The following ZNF84 variants were observed in gnomAD, a reference collection of about 807,000 sequenced individuals.
The protein encoded by ZNF84 is zinc finger protein HPF2.
A neutral mutation model predicts 14.8 loss-of-function variants in ZNF84; 12 were observed. The observed-to-expected ratio is 0.81, with a 90% confidence interval of 0.52 to 1.31. The LOEUF is 1.31. Ranked by LOEUF, ZNF84 falls within the 50% of genes most tolerant of loss-of-function variation. ZNF84 has a pLI of 0.00. For missense variants in ZNF84, 859 were observed against 878.6 expected (o/e 0.98, Z 0.28); for synonymous variants, 347 against 291.1 (o/e 1.19, Z -1.96).
chr12:133,038,230 A>G (rs7959141), intron 1 of ZNF84, among the ~76,000 whole-genome samples: 68,562 of 151,912 alleles, frequency 0.45, 16,083 homozygotes, highest in African/African-American at 0.57. Context: ...AAATAATTTA[A>G]TTTTACTGAT....
At position 133,062,618 on chromosome 12, in the gene ZNF84, T is replaced by G. The variant is rs1196252588; in HGVS notation, c.*3686T>G. ...CATGCATGTTTTCTGCACCTTGCTA[T>G]CATTTTTCAGTCCATTTTTCACATG... is the stretch of plus-strand genomic sequence containing the variant. On this transcript the variant is annotated 3_prime_UTR_variant, in exon 5 of 5. Transcript: ENST00000539354. The G allele has an allele frequency of 6.0e-6, 1 of 167,184 alleles. No individual in the cohort carries two copies. The highest frequency in any genetic ancestry group is 1.3e-5 in the Non-Finnish European group (1 of 75,872). 10.4% of individuals were successfully genotyped at this position (167,184 alleles called of 1,614,324 possible). A position where few individuals can be genotyped will look rare whatever the true frequency, so the allele number is the denominator to read the frequency against.
chr12:133,041,539 C>G (rs1953889224), intron 2 of ZNF84, 57 bp downstream of exon 2: 1 of 1,558,784 alleles, frequency 6.4e-7, no homozygotes, highest in Non-Finnish European at 8.8e-7. Flanking sequence ...AATGTATAAG[C>G]CTTCCGGTGA....
Position 133,058,826 on chromosome 12 carries a change from T to G in ZNF84, c.2111T>G (p.Ile704Ser). 1 of 1,613,916 alleles carries G rather than the reference T, an allele frequency of 6.2e-7. No individual in the cohort carries two copies. The highest frequency in any genetic ancestry group is 2.2e-5 in the East Asian group (1 of 44,852). Residue 704 changes from isoleucine (I) to serine (S), a missense_variant, in exon 5 of 5, where the codon ATT becomes AGT. By Grantham distance (142) the Ile-to-Ser change is moderately radical. Coordinates refer to ENST00000539354, the MANE Select transcript of ZNF84 (RefSeq NM_001289971.2). The stretch of plus-strand genomic sequence containing the variant: ...TCACAGCTGGTTAATCATCAGAGAA[T>G]TCATACAGGAGAGAAGCCTTATCGA... ...QKSQLVNHQR[I>S]HTGEKPYRCI... is the part of the protein sequence containing the mutation.
At position 133,063,171 on chromosome 12, in the gene ZNF84, G is replaced by A. The variant is rs925747018; in HGVS notation, c.*4239G>A. 19 of 702,242 alleles carry A rather than the reference G, an allele frequency of 2.7e-5. No homozygotes were observed. Among genetic ancestry groups the A allele is most frequent in the African/African-American group, 1.7e-4 (10 of 57,244 alleles). The allele number at this position is 702,242 out of a possible 1,614,324, so 43.5% of individuals were successfully genotyped here. A position where few individuals can be genotyped will look rare whatever the true frequency, so the allele number is the denominator to read the frequency against. On this transcript the variant is annotated 3_prime_UTR_variant, in exon 5 of 5. Coordinates refer to ENST00000539354, the MANE Select transcript of ZNF84 (RefSeq NM_001289971.2). ...GAAAGCAAAATCAAGAAAGAGTCCC[G>A]ATTGTGTTCCAGTACCTGGTTCTTC...
chr12:133,058,734 T>A lies in ZNF84; in HGVS notation c.2019T>A (p.His673Gln). ...AFSRKSHLIPHQRTHTGEKPY... is the reference protein window; with the variant it reads ...AFSRKSHLIPQQRTHTGEKPY... ...CTCGGAAGTCACACCTTATACCACA[T>A]CAAAGGACACATACGGGTGAGAAAC... Residue 673 changes from histidine (H) to glutamine (Q), a missense_variant, in exon 5 of 5, where the codon CAT (histidine) becomes CAA (glutamine). Transcript: ENST00000539354. 6.2e-7 allele frequency: 1 copy of A among 1,613,866 alleles called. No homozygotes were observed.
rs1954194717 is a variant in ZNF84 at position 133,058,114 on chromosome 12, G to A, written c.1399G>A (p.Ala467Thr). 8 of 1,613,900 alleles carry A rather than the reference G, an allele frequency of 5.0e-6. 1 individual carries two copies. In the South Asian group the frequency reaches 6.6e-5, roughly 13 times the overall value. Reference sequence around the variant, plus strand: ...CTTTATATGCAGTAAATGTGGGAAAGCCTTCAGCAGGAAATCACAGCTCGT... The same window carrying A: ...CTTTATATGCAGTAAATGTGGGAAAACCTTCAGCAGGAAATCACAGCTCGT... ...KPFICSKCGKAFSRKSQLVRH... is the reference protein window; with the variant it reads ...KPFICSKCGKTFSRKSQLVRH... The change falls in exon 5 of 5, where the codon GCC becomes ACC. Residue 467 changes from alanine to threonine, a missense_variant. Coordinates refer to ENST00000539354, the MANE Select transcript of ZNF84 (RefSeq NM_001289971.2).
intron 2 of ZNF84, among the ~76,000 whole-genome samples, chr12:133,042,692 A>G (rs1445880411): frequency 2.6e-5 from 4 of 152,224 alleles, no homozygotes; most frequent in Non-Finnish European, 4.4e-5. Context: ...GGCATTTTTC[A>G]TAGCGTTCTT....
Position 133,059,476 on chromosome 12 carries a change from A to C in ZNF84, c.*544A>C, listed in dbSNP as rs1056306899. 6.5e-6 allele frequency: 1 copy of C among 154,256 alleles called. No individual in the cohort carries two copies. The highest frequency in any genetic ancestry group is 2.4e-5 in the African/African-American group (1 of 41,676). 9.6% of individuals were successfully genotyped at this position (154,256 alleles called of 1,614,324 possible). ...CTTGCCCCTCAGTATAGTACTGTCA[A>C]GGGAAGCCATACACTTTTTGTAGAC... On this transcript the variant is annotated 3_prime_UTR_variant, in exon 5 of 5. Coordinates refer to ENST00000539354, the MANE Select transcript of ZNF84 (RefSeq NM_001289971.2).
At chr12:133,039,332 G>A (rs1953845461) in intron 1 of ZNF84, among the ~76,000 whole-genome samples, 1 of 152,216 alleles carries the variant, frequency 6.6e-6, no homozygotes, top group Non-Finnish European at 1.5e-5. Context: ...GGGAATTAGT[G>A]ACTGAATGTG....
intron 4 of ZNF84, among the ~76,000 whole-genome samples, chr12:133,051,328 A>T (rs917818935): frequency 6.6e-6 from 1 of 152,184 alleles, no homozygotes; most frequent in Non-Finnish European, 1.5e-5. Context: ...TTGAGCACTT[A>T]AAACACTGAG....
intron 2 of ZNF84, among the ~76,000 whole-genome samples, chr12:133,042,917 C>G (rs1953910830): frequency 6.6e-6 from 1 of 152,154 alleles, no homozygotes. Context: ...CTTCATGTGC[C>G]CTCTCCCAGT....
At chr12:133,049,351 T>G (rs1385262873) in intron 4 of ZNF84, among the ~76,000 whole-genome samples, 1 of 152,170 alleles carries the variant, frequency 6.6e-6, no homozygotes, top group African/African-American at 2.4e-5. Context: ...ATCTGTTCAG[T>G]CTCATTATAT....
chr12:133,049,859 C>G (rs2137378807), intron 4 of ZNF84, among the ~76,000 whole-genome samples: 1 of 152,248 alleles, frequency 6.6e-6, no homozygotes, highest in East Asian at 1.9e-4. Flanking sequence ...AAGCCTTCCT[C>G]CCTCAACTTC....
At chr12:133,052,317 G>A (rs905227) in intron 4 of ZNF84, among the ~76,000 whole-genome samples, 65,327 of 151,884 alleles carry the variant, frequency 0.43, 14,413 homozygotes, top group African/African-American at 0.49. Flanking sequence ...GAGAGAGAGA[G>A]AGAGAAGAGA....
intron 4 of ZNF84, among the ~76,000 whole-genome samples, chr12:133,051,054 T>G (rs1168762312): frequency 2.6e-5 from 4 of 152,040 alleles, no homozygotes; most frequent in African/African-American, 9.7e-5. Context: ...CCTGAGTAGA[T>G]GGGACTACAG....
chr12:133,062,513 A>G lies in ZNF84; in HGVS notation c.*3581A>G, dbSNP rs1954281690. 6.4e-6 allele frequency: 1 copy of G among 157,336 alleles called. No homozygotes were observed. The highest frequency in any genetic ancestry group is 1.4e-5 in the Non-Finnish European group (1 of 70,888). 9.7% of individuals were successfully genotyped at this position (157,336 alleles called of 1,614,324 possible). A position where few individuals can be genotyped will look rare whatever the true frequency, so the allele number is the denominator to read the frequency against. On this transcript the variant is annotated 3_prime_UTR_variant, in exon 5 of 5. Transcript: ENST00000539354. ...AATTTCAGAGGTCTTATTAGTCTAT[A>G]CAGGTACCAATGAGCTTTCAGATGT... is the stretch of plus-strand genomic sequence containing the variant.
intron 2 of ZNF84, among the ~76,000 whole-genome samples, chr12:133,042,982 T>A (rs1953911802): frequency 6.6e-6 from 1 of 152,168 alleles, no homozygotes; most frequent in Admixed American, 6.5e-5. Flanking sequence ...TTGGTCTCCA[T>A]TTCCTGACTT....
At position 133,058,243 on chromosome 12, in the gene ZNF84, A is replaced by G; in HGVS notation, c.1528A>G (p.Thr510Ala). ...LSLTNHQRIH[T>A]GEKPYVCSEC... ...TCTCACTAATCATCAAAGAATTCAT[A>G]CAGGAGAAAAACCATATGTATGCAG... Residue 510 changes from threonine to alanine, a missense_variant, in exon 5 of 5, where the codon ACA (threonine) becomes GCA (alanine). Transcript: ENST00000539354. 2 of 1,614,122 alleles carry G rather than the reference A, an allele frequency of 1.2e-6. No individual in the cohort carries two copies. The highest frequency in any genetic ancestry group is 1.7e-6 in the Non-Finnish European group (2 of 1,180,014).
At chr12:133,051,114 T>G (rs1472233580) in intron 4 of ZNF84, among the ~76,000 whole-genome samples, 1 of 149,388 alleles carries the variant, frequency 6.7e-6, no homozygotes, top group Non-Finnish European at 1.5e-5. Flanking sequence ...GTTTTTTGGT[T>G]TTTTTTTTTG....
Sources: gnomAD v4.1 joint callset for allele counts (sites outside exome capture counted in the v4.1 genomes callset) on GRCh38, gnomAD v4.1.1 for gene constraint, MANE v1.5 for transcripts, NCBI Gene and HGNC (gene_info 2026-07-23, HGNC 2026-07-21) for gene names.